RECQL5: variants seen among roughly 807,000 people sequenced by gnomAD.
RECQL5 encodes ATP-dependent DNA helicase Q5.
Under a neutral mutation model 103.4 loss-of-function variants are expected in RECQL5, and 88 were observed. The observed-to-expected ratio is 0.85, with a 90% CI of 0.72 to 1.02. The LOEUF is 1.02. Ranked by LOEUF, RECQL5 falls within the 50% of genes least tolerant of loss-of-function variation. The pLI, the probability that RECQL5 is intolerant of heterozygous loss-of-function variation, is 0.00. For missense variants in RECQL5, 1,232 were observed against 1,284.3 expected (o/e 0.96, Z 0.62); for synonymous variants, 552 against 507.9 (o/e 1.09, Z -1.17).
chr17:75,629,375 G>C lies in RECQL5; in HGVS notation c.2048C>G (p.Pro683Arg), dbSNP rs765475986. ...GTGCTCGCCTCCCCGCTCGGGCTGG[G>C]GGGCTTGCTCCCTGATCCGAGTTGT... ...METTRIREQA[P>R]QPERGGEHEP... is the part of the protein sequence containing the mutation. Residue 683 changes from proline (P) to arginine (R), a missense_variant, in exon 16 of 20, where the codon CCC becomes CGC. Physicochemically the swap from Pro to Arg is moderately radical, Grantham distance 103. Transcript: ENST00000317905. 2.0e-6 allele frequency: 3 copies of C among 1,511,576 alleles called. No homozygotes were observed. Among genetic ancestry groups the C allele is most frequent in the South Asian group, 1.4e-5 (1 of 74,052 alleles). 93.6% of individuals were successfully genotyped at this position (1,511,576 alleles called of 1,614,324 possible).
chr17:75,651,123 G>A, intron 8 of RECQL5, 63 bp downstream of exon 8: 1 of 1,613,414 alleles, frequency 6.2e-7, no homozygotes, highest in Non-Finnish European at 8.5e-7. Flanking sequence ...CTTAACTAGG[G>A]CGTGCCGGGG....
intron 8 of RECQL5, chr17:75,650,330 G>A: frequency 9.4e-7 from 1 of 1,068,724 alleles, no homozygotes; most frequent in Non-Finnish European, 1.1e-6. Flanking sequence ...TCAACAGGAG[G>A]AGGTGGAAAT....
intron 3 of RECQL5, 139 bp downstream of exon 3, chr17:75,664,912 C>CAAAA (rs371470695): frequency 4.5e-5 from 42 of 928,828 alleles, no homozygotes; most frequent in East Asian, 2.6e-4. Flanking sequence ...GACTCTGTCT[C>CAAAA]AAAAAAAAAA....
intron 8 of RECQL5, chr17:75,650,618 T>C (rs1308142963): frequency 6.2e-7 from 1 of 1,610,810 alleles, no homozygotes; most frequent in Admixed American, 1.7e-5. Flanking sequence ...AAACTCCTCC[T>C]GGGTGTCTCT....
chr17:75,639,979 A>G, intron 8 of RECQL5: 4 of 582,086 alleles, frequency 6.9e-6, no homozygotes, highest in Non-Finnish European at 8.7e-6. Flanking sequence ...GGCTTCCTCC[A>G]CCCTGAGCTG....
At chr17:75,644,098 G>A (rs1263288343) in intron 8 of RECQL5, among the ~76,000 whole-genome samples, 2 of 152,160 alleles carry the variant, frequency 1.3e-5, no homozygotes, top group African/African-American at 2.4e-5. Context: ...GAAGTCAGGA[G>A]TTCAAGACCA....
intron 18 of RECQL5, 124 bp from the exon 19 acceptor site, chr17:75,627,816 G>A (rs2059126587): frequency 3.8e-6 from 3 of 788,090 alleles, no homozygotes; most frequent in East Asian, 2.8e-5. Flanking sequence ...TCAGGAGATC[G>A]AGACCATCCT....
At chr17:75,649,615 G>A in intron 8 of RECQL5, 1 of 985,368 alleles carries the variant, frequency 1.0e-6, no homozygotes, top group Non-Finnish European at 1.2e-6. Flanking sequence ...CTATTCTTAG[G>A]AAGCAAATAT....
chr17:75,630,518 G>T (rs1041866607), intron 13 of RECQL5, 101 bp downstream of exon 13: 63 of 1,259,640 alleles, frequency 5.0e-5, no homozygotes, highest in Non-Finnish European at 6.9e-5. Context: ...GGTACAATCT[G>T]GGGAGAGGTG....
chr17:75,631,733 G>A lies in RECQL5; in HGVS notation c.1230-65C>T, dbSNP rs558298956. 137 of 1,548,188 alleles carry A rather than the reference G, an allele frequency of 8.8e-5. No homozygotes were observed. The Admixed American group carries it at 1.6e-3, about 18-fold the overall frequency. On this transcript the variant is annotated intron_variant, in intron 8 of 19. Transcript: ENST00000317905. ...CCAGTCGGCCAGCGTCTGTTCACCC[G>A]AGCCTGAATCGCTAGCTGAGCGAGC...
chr17:75,661,933 G>A (rs1056171638), intron 4 of RECQL5, among the ~76,000 whole-genome samples: 4 of 152,212 alleles, frequency 2.6e-5, no homozygotes, highest in Non-Finnish European at 5.9e-5. Context: ...GGCCAAGGTG[G>A]GGGGAATCAC....
At chr17:75,638,722 C>T (rs2059375961) in intron 8 of RECQL5, 2 of 152,256 alleles carry the variant, frequency 1.3e-5, no homozygotes, top group African/African-American at 4.8e-5. Flanking sequence ...TCAGTCCTCC[C>T]AATAGCCTCA....
At position 75,627,663 on chromosome 17, in the gene RECQL5, G is replaced by C. The variant is rs1202866715; in HGVS notation, c.2835C>G (p.Leu945=). 1.2e-6 allele frequency: 2 copies of C among 1,611,150 alleles called. No individual in the cohort carries two copies. Among genetic ancestry groups the C allele is most frequent in the Non-Finnish European group, 1.7e-6 (2 of 1,178,638 alleles). ...KELFKGFARH[L]SHLLTQKTSP... Reference sequence around the variant, plus strand: ...AGGTCTTCTGAGTCAGCAAGTGTGAGAGGTGGCGGGCAAAGCCTTTAAACA... The same window carrying C: ...AGGTCTTCTGAGTCAGCAAGTGTGACAGGTGGCGGGCAAAGCCTTTAAACA... The change falls in exon 19 of 20, where the codon CTC becomes CTG. Residue 945 remains leucine (L), a synonymous_variant. Transcript: ENST00000317905.
At chr17:75,644,058 CT>C (rs2059462127) in intron 8 of RECQL5, among the ~76,000 whole-genome samples, 1 of 152,220 alleles carries the variant, frequency 6.6e-6, no homozygotes, top group Non-Finnish European at 1.5e-5. Flanking sequence ...AATCCCAGCA[CT>C]TTGGGAGGCT....
chr17:75,628,217 C>T lies in RECQL5; in HGVS notation c.2805+1G>A. 1 of 1,613,616 alleles carries T rather than the reference C, an allele frequency of 6.2e-7. No individual in the cohort carries two copies. Among genetic ancestry groups the T allele is most frequent in the Non-Finnish European group, 8.5e-7 (1 of 1,179,602 alleles). ...AGGCAGAGCCCACTCACTCCCCCTA[C>T]CTTGGAAGCAAACTTGCCCTCCTTG... On this transcript the variant is annotated splice_donor_variant, in intron 18 of 19. Transcript: ENST00000317905. LOFTEE classifies it high-confidence loss of function.
intron 5 of RECQL5, 134 bp downstream of exon 5, chr17:75,661,472 G>C: frequency 1.5e-6 from 1 of 668,720 alleles, no homozygotes; most frequent in South Asian, 1.8e-5. Context: ...GGATTTAAGT[G>C]TATCACTTTA....
intron 8 of RECQL5, chr17:75,650,782 C>T: frequency 6.4e-7 from 1 of 1,569,652 alleles, no homozygotes; most frequent in Non-Finnish European, 8.6e-7. Context: ...GTAAGTGGGG[C>T]CACAGGCTTC....
chr17:75,630,848 G>GA lies in RECQL5; in HGVS notation c.1586-12_1586-11insT, dbSNP rs748607605. On this transcript the variant is annotated splice_polypyrimidine_tract_variant and intron_variant, in intron 11 of 19. Transcript: ENST00000317905. The stretch of plus-strand genomic sequence containing the variant: ...GGGGACAGTTCTCATCTGTGGGGGG[G>GA]GGGGGTGGTCCTTGGTCCTTTCGCT... 1.4e-6 allele frequency: 2 copies of GA among 1,457,008 alleles called. No homozygotes were observed. The highest frequency in any genetic ancestry group is 1.8e-6 in the Non-Finnish European group (2 of 1,083,424). The allele number at this position is 1,457,008 out of a possible 1,614,324, so 90.3% of individuals were successfully genotyped here.
chr17:75,665,303 T>C, intron 2 of RECQL5, 131 bp from the exon 3 acceptor site: 3 of 767,718 alleles, frequency 3.9e-6, no homozygotes, highest in East Asian at 3.0e-5. Flanking sequence ...GATGTAATCC[T>C]AATTCCCCTC....
Sources: allele counts gnomAD v4.1 joint callset (sites outside exome capture counted in the v4.1 genomes callset), GRCh38; gene constraint gnomAD v4.1.1; transcripts MANE v1.5; gene names NCBI Gene and HGNC (gene_info 2026-07-23, HGNC 2026-07-21).